The following ROBO2 variants were observed in gnomAD, a reference collection of about 807,000 sequenced individuals.
The protein encoded by ROBO2 is roundabout guidance receptor 2.
A neutral mutation model predicts 160.8 loss-of-function variants in ROBO2; 53 were observed. That is an observed-to-expected ratio of 0.33 (90% CI 0.26 to 0.41). ROBO2 has a LOEUF of 0.41. Ranked by LOEUF, ROBO2 falls within the 10% of genes least tolerant of loss-of-function variation. The pLI is 1.00. For synonymous variants in ROBO2, 664 were observed against 611.7 expected (o/e 1.09, Z -1.26); for missense variants, 1,577 against 1,722.4 (o/e 0.92, Z 1.49).
intron 2 of ROBO2, among the ~76,000 whole-genome samples, chr3:76,903,876 TC>T: frequency 6.6e-6 from 1 of 152,268 alleles, no homozygotes. Flanking sequence ...TTTGCATGCA[TC>T]CTGTTGCTCA....
chr3:76,210,682 T>C (rs561817202), intron 2 of ROBO2, among the ~76,000 whole-genome samples: 1 of 152,186 alleles, frequency 6.6e-6, no homozygotes, highest in Non-Finnish European at 1.5e-5. Context: ...AAGGGGCAAA[T>C]AGAAAAATGT....
chr3:75,943,176 A>G (rs1467288608), intron 2 of ROBO2, among the ~76,000 whole-genome samples: 1 of 152,174 alleles, frequency 6.6e-6, no homozygotes, highest in African/African-American at 2.4e-5. Flanking sequence ...GATAATTTAG[A>G]CTTTTTTGTT....
chr3:77,304,083 A>G (rs1391723726), intron 2 of ROBO2, among the ~76,000 whole-genome samples: 1 of 152,278 alleles, frequency 6.6e-6, no homozygotes, highest in African/African-American at 2.4e-5. Flanking sequence ...CTCATTAAGC[A>G]TAAGGACCAG....
At chr3:77,160,872 T>C (rs1222335682) in intron 2 of ROBO2, among the ~76,000 whole-genome samples, 2 of 152,162 alleles carry the variant, frequency 1.3e-5, no homozygotes, top group African/African-American at 4.8e-5. Flanking sequence ...AGTGTAAAAT[T>C]GTATGTTGAT....
At chr3:76,560,518 A>G (rs1447972034) in intron 2 of ROBO2, among the ~76,000 whole-genome samples, 2 of 151,590 alleles carry the variant, frequency 1.3e-5, no homozygotes, top group African/African-American at 4.8e-5. Context: ...ATAGCAGCTA[A>G]TTGTTATCAT....
chr3:77,498,611 T>C (rs922733953), intron 5 of ROBO2, among the ~76,000 whole-genome samples: 1 of 136,580 alleles, frequency 7.3e-6, no homozygotes, highest in Non-Finnish European at 1.6e-5. Context: ...TTATAATTCC[T>C]TTTTTTTTTT....
intron 2 of ROBO2, among the ~76,000 whole-genome samples, chr3:76,552,348 G>C (rs1490578454): frequency 6.6e-6 from 1 of 152,134 alleles, no homozygotes; most frequent in African/African-American, 2.4e-5. Context: ...CAGATTCAAA[G>C]ACAATTAGCT....
At chr3:76,171,356 AC>A (rs755431105) in intron 2 of ROBO2, among the ~76,000 whole-genome samples, 123 of 151,968 alleles carry the variant, frequency 8.1e-4, no homozygotes, top group Non-Finnish European at 1.3e-3. Flanking sequence ...AAAAAAAAAA[AC>A]CTCTGAGGAT....
At chr3:77,003,255 C>T (rs1431446607) in intron 2 of ROBO2, among the ~76,000 whole-genome samples, 2 of 152,086 alleles carry the variant, frequency 1.3e-5, no homozygotes, top group African/African-American at 4.8e-5. Flanking sequence ...GTCCCTATAG[C>T]TGCAGAAAAT....
At chr3:76,504,472 C>T (rs2080667022) in intron 2 of ROBO2, among the ~76,000 whole-genome samples, 1 of 141,238 alleles carries the variant, frequency 7.1e-6, no homozygotes, top group South Asian at 2.3e-4. Flanking sequence ...AACAAAATTT[C>T]TGGTTATTCC....
chr3:77,605,038 C>T (rs1014820081), intron 20 of ROBO2, among the ~76,000 whole-genome samples: 29 of 151,502 alleles, frequency 1.9e-4, no homozygotes, highest in African/African-American at 5.6e-4. Flanking sequence ...TGGTGGCACT[C>T]GACTGTATTC....
chr3:75,960,520 A>G (rs1948873151), intron 2 of ROBO2, among the ~76,000 whole-genome samples: 1 of 151,782 alleles, frequency 6.6e-6, no homozygotes, highest in Non-Finnish European at 1.5e-5. Context: ...CATTATATAT[A>G]TAACTTCTAA....
rs1011605129 is a variant in ROBO2 at position 76,657,586 on chromosome 3, A to G, written c.110-440428A>G. Reference sequence around the variant, plus strand: ...CATGGTGAAACCCTGCCTCTCTAAAAAAAATATATATATGTATATATATAT... The same window carrying G: ...CATGGTGAAACCCTGCCTCTCTAAAGAAAATATATATATGTATATATATAT... On this transcript the variant is annotated intron_variant, in intron 2 of 26. Transcript: ENST00000487694. 7.4e-5 allele frequency among the ~76,000 whole-genome samples: 11 copies of G among 147,776 alleles called. No homozygotes were observed. The East Asian group carries it at 2.0e-3, about 26-fold the overall frequency.
chr3:77,638,822 T>TG (rs2095306011), intron 24 of ROBO2, among the ~76,000 whole-genome samples: 1 of 142,682 alleles, frequency 7.0e-6, no homozygotes, highest in South Asian at 2.4e-4. Context: ...ACCTAGCTTT[T>TG]TTTTTTTTTT....
At chr3:76,029,142 C>T (rs985478307) in intron 2 of ROBO2, among the ~76,000 whole-genome samples, 2 of 151,894 alleles carry the variant, frequency 1.3e-5, no homozygotes, top group Non-Finnish European at 2.9e-5. Flanking sequence ...GAAAAGAATT[C>T]TATCAAGGAC....
intron 2 of ROBO2, among the ~76,000 whole-genome samples, chr3:76,767,096 A>AAAAC (rs1276313675): frequency 6.6e-6 from 1 of 151,532 alleles, no homozygotes; most frequent in Non-Finnish European, 1.5e-5. Context: ...GAAGTGCTTA[A>AAAAC]AAACACCTAA....
chr3:76,633,457 A>G (rs1018365545), intron 2 of ROBO2, among the ~76,000 whole-genome samples: 6 of 152,300 alleles, frequency 3.9e-5, no homozygotes, highest in South Asian at 2.1e-4. Flanking sequence ...CAAAATGTCT[A>G]TTGGAAAGAT....
intron 2 of ROBO2, among the ~76,000 whole-genome samples, chr3:76,329,662 C>T (rs2073331697): frequency 6.6e-6 from 1 of 152,206 alleles, no homozygotes; most frequent in Non-Finnish European, 1.5e-5. Flanking sequence ...TTCTGCTTTG[C>T]GTTTTGGCAC....
At chr3:77,316,603 A>G in intron 2 of ROBO2, 1 of 545,568 alleles carries the variant, frequency 1.8e-6, no homozygotes, top group Non-Finnish European at 3.3e-6. Context: ...TGAAAGGGTA[A>G]CATCTTAAAG....
Sources: gnomAD v4.1 joint callset for allele counts (sites outside exome capture counted in the v4.1 genomes callset) on GRCh38, gnomAD v4.1.1 for gene constraint, MANE v1.5 for transcripts, NCBI Gene and HGNC (gene_info 2026-07-23, HGNC 2026-07-21) for gene names.